AQP7: variants seen among roughly 807,000 people sequenced by gnomAD.
The protein encoded by AQP7 is aquaporin-7.
Under a neutral mutation model 26.1 loss-of-function variants are expected in AQP7, and 22 were observed. The ratio of observed to expected loss-of-function variants is 0.84; its 90% CI spans 0.60 to 1.20. The LOEUF (loss-of-function observed/expected upper bound fraction) is 1.20, where lower values mean the gene tolerates loss of function less well. Among genes scored for constraint, AQP7 ranks in the 50% most tolerant of loss-of-function variants. AQP7 has a pLI of 0.00. For synonymous variants in AQP7, 167 were observed against 181.7 expected (o/e 0.92, Z 0.65); for missense variants, 412 against 457.5 (o/e 0.90, Z 0.91).
chr9:33,396,723 C>G (rs1825879582), intron 2 of AQP7, among the ~76,000 whole-genome samples: 1 of 148,108 alleles, frequency 6.8e-6, no homozygotes, highest in Non-Finnish European at 1.5e-5. Context: ...GCCTCCTACC[C>G]TCTCCTCTAG....
intron 1 of AQP7, 74 bp from the exon 2 acceptor site, chr9:33,401,361 C>T (rs1227465015): frequency 2.7e-5 from 36 of 1,321,518 alleles, no homozygotes; most frequent in Non-Finnish European, 3.5e-5. Context: ...AGACCTTGGT[C>T]CCCAGGGGAG....
chr9:33,391,071 C>A (rs1825347748), intron 3 of AQP7, among the ~76,000 whole-genome samples: 1 of 152,182 alleles, frequency 6.6e-6, no homozygotes. Flanking sequence ...CACACCACTG[C>A]ACTCCAGCCT....
At chr9:33,389,507 C>T (rs1205075078) in intron 3 of AQP7, among the ~76,000 whole-genome samples, 4 of 152,162 alleles carry the variant, frequency 2.6e-5, no homozygotes, top group Non-Finnish European at 5.9e-5. Flanking sequence ...TTGACTGCAT[C>T]TTGAAATAGG....
chr9:33,395,811 G>GTGAA (rs4008651), intron 2 of AQP7, among the ~76,000 whole-genome samples: 1 of 152,214 alleles, frequency 6.6e-6, no homozygotes, highest in African/African-American at 2.4e-5. Flanking sequence ...GAGAGAGTGA[G>GTGAA]TGAATGAATG....
At chr9:33,389,175 A>G (rs897666990) in intron 3 of AQP7, among the ~76,000 whole-genome samples, 13 of 152,058 alleles carry the variant, frequency 8.5e-5, no homozygotes, top group Admixed American at 1.3e-4. Flanking sequence ...TAATAGGTGC[A>G]CGCCACCATG....
chr9:33,401,311 T>C (rs1244905019), intron 1 of AQP7, 24 bp from the exon 2 acceptor site: 13 of 1,541,090 alleles, frequency 8.4e-6, no homozygotes, highest in Non-Finnish European at 9.7e-6. Context: ...GAGAGGTCAC[T>C]AGGGCTGGAG....
intron 2 of AQP7, among the ~76,000 whole-genome samples, chr9:33,398,335 A>G (rs1451595428): frequency 6.6e-6 from 1 of 151,498 alleles, no homozygotes; most frequent in South Asian, 2.1e-4. Flanking sequence ...CACATTAGGG[A>G]GTCTGAACTC....
rs2381002 is a variant in AQP7 at position 33,395,104 on chromosome 9, C to T, written c.118G>A (p.Glu40Lys). 8.1e-6 allele frequency: 13 copies of T among 1,613,842 alleles called. No homozygotes were observed. The highest frequency in any genetic ancestry group is 3.3e-5 in the South Asian group (3 of 91,080). ...ATCATGACATATGTGCTCATGAACT[C>T]GGCCAGGAACTCTCGCACCATCTTC... is the stretch of plus-strand genomic sequence containing the variant. The part of the protein sequence containing the change: ...QRKMVREFLA[E>K]FMSTYVMMVF... Residue 40 changes from glutamate to lysine, a missense_variant, in exon 3 of 8, where the codon GAG becomes AAG. Physicochemically the swap from Glu to Lys is moderately conservative, Grantham distance 56. Coordinates refer to ENST00000297988, the MANE Select transcript of AQP7 (RefSeq NM_001170.3).
Position 33,385,219 on chromosome 9 carries a change from T to C in AQP7, c.815A>G (p.Tyr272Cys), listed in dbSNP as rs1824629580. ...GATGGTGGAGCCAATGAAGACCAGG[T>C]AGATGATGCCACCTAGATAGGCACC... ...LLGAYLGGII[Y>C]LVFIGSTIPR... Residue 272 changes from tyrosine (Y) to cysteine (C), a missense_variant, in exon 8 of 8, where the codon TAC (tyrosine) becomes TGC (cysteine). Physicochemically the swap from Tyr to Cys is radical, Grantham distance 194. Transcript: ENST00000297988. 1 of 1,611,688 alleles carries C rather than the reference T, an allele frequency of 6.2e-7. No individual in the cohort carries two copies. Among genetic ancestry groups the C allele is most frequent in the Non-Finnish European group, 8.5e-7 (1 of 1,179,820 alleles).
Position 33,395,311 on chromosome 9 carries a change from G to A in AQP7, c.27-116C>T, listed in dbSNP as rs566290105. The A allele has an allele frequency of 2.5e-3, 2,056 of 810,556 alleles. 36 individuals carry two copies. The African/African-American group carries it at 0.03, about 12-fold the overall frequency. The allele number at this position is 810,556 out of a possible 1,614,324, so 50.2% of individuals were successfully genotyped here. On this transcript the variant is annotated intron_variant, in intron 2 of 7. Transcript: ENST00000297988. ...TAACCCAGCAGCCTCGCCCACACAC[G>A]CCTCCTCTTGCGCAGGGCAGCTGGG...
rs1300895267 is a variant in AQP7, at chr9:33,386,207, C to G, written c.407-12G>C. On this transcript the variant is annotated splice_polypyrimidine_tract_variant and intron_variant, in intron 5 of 7. Coordinates refer to ENST00000297988, the MANE Select transcript of AQP7 (RefSeq NM_001170.3). ...GTGGAGAATGGCCGCTGCGGAGACA[C>G]AGACTGTCATGCGAACCTGCTCCCA... 4.3e-6 allele frequency: 7 copies of G among 1,613,824 alleles called. No individual in the cohort carries two copies. Among genetic ancestry groups the G allele is most frequent in the Admixed American group, 1.7e-5 (1 of 60,004 alleles).
intron 3 of AQP7, among the ~76,000 whole-genome samples, chr9:33,390,022 C>T (rs1486439110): frequency 6.9e-5 from 9 of 130,882 alleles, no homozygotes; most frequent in South Asian, 2.4e-4. Flanking sequence ...AGCAAGACTC[C>T]GTCTCAAAAA....
In AQP7 at chr9:33,384,083, T is replaced by C. The variant is rs1824541447; in HGVS notation, c.*922A>G. On this transcript the variant is annotated 3_prime_UTR_variant, in exon 8 of 8. Coordinates refer to ENST00000297988, the MANE Select transcript of AQP7 (RefSeq NM_001170.3). Reference sequence around the variant, plus strand: ...CAAGGACAGGAACCATGGGTGATGCTGCCTTCTGAGCCCCAGGCAACAGAG... The same window carrying C: ...CAAGGACAGGAACCATGGGTGATGCCGCCTTCTGAGCCCCAGGCAACAGAG... 1 of 152,252 alleles carries C rather than the reference T, an allele frequency of 6.6e-6. No homozygotes were observed. The highest frequency in any genetic ancestry group is 1.5e-5 in the Non-Finnish European group (1 of 68,064). The allele number at this position is 152,252 out of a possible 1,614,324, so 9.4% of individuals were successfully genotyped here.
rs547899081 is a variant in AQP7, at chr9:33,387,676, A to T, written c.145-584T>A. On this transcript the variant is annotated intron_variant, in intron 3 of 7. Transcript: ENST00000297988. ...TCTTGCCCATCCCTCACGGCTCCTCAGATAATGACGCCTTCACAGGGGAAG... is the reference window on the plus strand; with the variant it reads ...TCTTGCCCATCCCTCACGGCTCCTCTGATAATGACGCCTTCACAGGGGAAG... Among the ~76,000 whole-genome samples, 55 of 151,876 alleles carry T rather than the reference A, an allele frequency of 3.6e-4. No individual in the cohort carries two copies. In the East Asian group the frequency reaches 5.5e-3, roughly 15 times the overall value.
rs960205393 is a variant in AQP7 at position 33,385,937 on chromosome 9, AC to A, written c.526-72del. ...CCACAGGACCTCGGCAGTGCCCCAGACCCAAGCCCACCAGCAGAGACACGTC... is the reference window on the plus strand; with the variant it reads ...CCACAGGACCTCGGCAGTGCCCCAGACCAAGCCCACCAGCAGAGACACGTC... On this transcript the variant is annotated intron_variant, in intron 6 of 7. Coordinates refer to ENST00000297988, the MANE Select transcript of AQP7 (RefSeq NM_001170.3). The A allele has an allele frequency of 4.4e-5, 68 of 1,560,572 alleles. No individual in the cohort carries two copies. In the African/African-American group the frequency reaches 8.5e-4, roughly 20 times the overall value.
intron 3 of AQP7, among the ~76,000 whole-genome samples, chr9:33,394,486 C>CTTTTTTTTTTT (rs56966031): frequency 6.1e-5 from 7 of 115,112 alleles, no homozygotes; most frequent in African/African-American, 6.1e-5. Flanking sequence ...CTCTCTCTCT[C>CTTTTTTTTTTT]TTTTTTTTTT....
In AQP7 at chr9:33,385,155, A is replaced by G. The variant is rs368879439; in HGVS notation, c.879T>C (p.Tyr293=). ...EPLKLEDSVA[Y]EDHGITVLPK... is the part of the protein sequence containing the mutation. ...GCAATACGGTTATCCCGTGGTCTTC[A>G]TACGCCACAGAATCCTCCAATTTCA... Residue 293 remains tyrosine, a synonymous_variant, in exon 8 of 8, where the codon TAT becomes TAC. Coordinates refer to ENST00000297988, the MANE Select transcript of AQP7 (RefSeq NM_001170.3). 3.1e-6 allele frequency: 5 copies of G among 1,611,844 alleles called. No individual in the cohort carries two copies. Among genetic ancestry groups the G allele is most frequent in the Non-Finnish European group, 4.2e-6 (5 of 1,179,848 alleles).
At chr9:33,391,966 C>T (rs1407025243) in intron 3 of AQP7, among the ~76,000 whole-genome samples, 1 of 152,136 alleles carries the variant, frequency 6.6e-6, no homozygotes, top group East Asian at 1.9e-4. Context: ...CCAGAGTCTT[C>T]AAAAGCTGGC....
At chr9:33,390,840 G>A (rs1430044632) in intron 3 of AQP7, among the ~76,000 whole-genome samples, 9 of 152,324 alleles carry the variant, frequency 5.9e-5, no homozygotes, top group East Asian at 3.9e-4. Context: ...GGCTGGGCGC[G>A]GTGGCTCACG....
Sources: gnomAD v4.1 joint callset for allele counts (sites outside exome capture counted in the v4.1 genomes callset) on GRCh38, gnomAD v4.1.1 for gene constraint, MANE v1.5 for transcripts, NCBI Gene and HGNC (gene_info 2026-07-23, HGNC 2026-07-21) for gene names.